The following ANKFN1 variants were observed in gnomAD, a reference collection of about 807,000 sequenced individuals.
ANKFN1 encodes the protein ankyrin repeat and fibronectin type-III domain-containing protein 1.
In ANKFN1, 74 loss-of-function variants were observed where a neutral mutation model predicts 108.7. That is an observed-to-expected ratio of 0.68 (90% CI 0.56 to 0.83). The LOEUF (loss-of-function observed/expected upper bound fraction) is 0.83, where lower values mean the gene tolerates loss of function less well. Among genes scored for constraint, ANKFN1 ranks in the 40% least tolerant of loss-of-function variants. The pLI, the probability that ANKFN1 is intolerant of heterozygous loss-of-function variation, is 0.00. For synonymous variants in ANKFN1, 547 were observed against 516.2 expected (o/e 1.06, Z -0.81); for missense variants, 1,505 against 1,382.3 (o/e 1.09, Z -1.41).
chr17:56,072,530 C>A (rs1050428239), intron 4 of ANKFN1, among the ~76,000 whole-genome samples: 1 of 152,190 alleles, frequency 6.6e-6, no homozygotes, highest in Non-Finnish European at 1.5e-5. Context: ...ATGCTACCTC[C>A]CAAAGGTAGC....
At chr17:56,396,570 A>G (rs2047594157) in intron 8 of ANKFN1, among the ~76,000 whole-genome samples, 1 of 152,106 alleles carries the variant, frequency 6.6e-6, no homozygotes, top group Non-Finnish European at 1.5e-5. Flanking sequence ...TAACAAAGTT[A>G]AGATTATACA....
intron 2 of ANKFN1, among the ~76,000 whole-genome samples, chr17:56,224,407 A>G (rs566858245): frequency 6.6e-5 from 10 of 152,368 alleles, no homozygotes; most frequent in Non-Finnish European, 8.8e-5. Flanking sequence ...TCATCTCAAC[A>G]TTCATAATCT....
intron 9 of ANKFN1, among the ~76,000 whole-genome samples, chr17:56,442,275 C>T (rs1030658169): frequency 6.6e-6 from 1 of 152,154 alleles, no homozygotes; most frequent in African/African-American, 2.4e-5. Flanking sequence ...AAATGTCCAC[C>T]AGTCAGGGAC....
intron 8 of ANKFN1, among the ~76,000 whole-genome samples, chr17:56,379,218 G>A (rs2047025105): frequency 6.6e-6 from 1 of 152,108 alleles, no homozygotes; most frequent in African/African-American, 2.4e-5. Flanking sequence ...CTAACACAGT[G>A]AAACCCCGTC....
At chr17:56,201,365 A>G (rs563734682) in intron 1 of ANKFN1, among the ~76,000 whole-genome samples, 1 of 152,284 alleles carries the variant, frequency 6.6e-6, no homozygotes, top group East Asian at 1.9e-4. Flanking sequence ...CTCCTTTCTC[A>G]GCTGTAAGTA....
intron 4 of ANKFN1, among the ~76,000 whole-genome samples, chr17:56,057,834 T>C (rs1338751511): frequency 6.6e-6 from 1 of 152,048 alleles, no homozygotes; most frequent in Non-Finnish European, 1.5e-5. Flanking sequence ...GGCTGCAGAA[T>C]GGGTGTTATG....
At chr17:56,466,244 G>T in intron 14 of ANKFN1, 112 bp from the exon 15 acceptor site, 1 of 951,222 alleles carries the variant, frequency 1.1e-6, no homozygotes, top group Non-Finnish European at 1.6e-6. Context: ...AAAAAAAAGA[G>T]AGCAAACAGC....
intron 4 of ANKFN1, among the ~76,000 whole-genome samples, chr17:56,345,654 C>CT (rs1404603688): frequency 6.6e-6 from 1 of 152,134 alleles, no homozygotes; most frequent in Admixed American, 6.6e-5. Context: ...TGATGATAAT[C>CT]TTTTTTTCAT....
intron 3 of ANKFN1, among the ~76,000 whole-genome samples, chr17:56,288,143 T>G (rs1466963341): frequency 1.3e-5 from 2 of 152,166 alleles, no homozygotes; most frequent in Non-Finnish European, 2.9e-5. Context: ...AAGGAATATA[T>G]TCATACAGCA....
At chr17:56,196,440 A>G (rs1346216543) in intron 1 of ANKFN1, among the ~76,000 whole-genome samples, 3 of 152,122 alleles carry the variant, frequency 2.0e-5, no homozygotes, top group Non-Finnish European at 4.4e-5. Flanking sequence ...GTGCCTTTCA[A>G]TCCTGAGAAA....
intron 4 of ANKFN1, among the ~76,000 whole-genome samples, chr17:56,348,442 A>G (rs2046161885): frequency 6.6e-6 from 1 of 152,162 alleles, no homozygotes; most frequent in South Asian, 2.1e-4. Context: ...GTGCCTCAGC[A>G]AAAGAAACTA....
chr17:56,150,662 T>C (rs1357709858), upstream of ANKFN1, among the ~76,000 whole-genome samples: 1 of 152,174 alleles, frequency 6.6e-6, no homozygotes, highest in Non-Finnish European at 1.5e-5. Context: ...CTTCCCAAAA[T>C]GCTCAGCACC....
intron 4 of ANKFN1, among the ~76,000 whole-genome samples, chr17:56,123,083 C>A (rs961610729): frequency 1.3e-5 from 2 of 152,200 alleles, no homozygotes; most frequent in Non-Finnish European, 2.9e-5. Context: ...GAATCCTCTA[C>A]CATTATTTCC....
At chr17:56,109,093 A>G (rs1905812058) in intron 4 of ANKFN1, among the ~76,000 whole-genome samples, 1 of 152,228 alleles carries the variant, frequency 6.6e-6, no homozygotes, top group Non-Finnish European at 1.5e-5. Flanking sequence ...CTTGCTTGAC[A>G]TCTCTGAGTC....
rs146130020 is a variant in ANKFN1, at chr17:56,270,406, G to C, written c.53+42449G>C. 1.7e-3 allele frequency among the ~76,000 whole-genome samples: 259 copies of C among 152,354 alleles called. 1 individual carries two copies. Among genetic ancestry groups the C allele is most frequent in the African/African-American group, 5.8e-3 (240 of 41,576 alleles). On this transcript the variant is annotated intron_variant, in intron 3 of 20. Transcript: ENST00000682825. ...CCCAGCCTCCAGGGCTACAGGAAGA[G>C]AGAAAAGCTACATAACTGCTGGCTC...
intron 1 of ANKFN1, among the ~76,000 whole-genome samples, chr17:56,202,594 C>G (rs543317458): frequency 1.2e-3 from 181 of 152,286 alleles, no homozygotes; most frequent in Non-Finnish European, 2.2e-3. Flanking sequence ...CCTCCACACC[C>G]TTTTCACCAT....
chr17:56,335,711 T>G (rs1373510645), intron 4 of ANKFN1, among the ~76,000 whole-genome samples: 1 of 152,212 alleles, frequency 6.6e-6, no homozygotes, highest in African/African-American at 2.4e-5. Context: ...CTTTATTTCT[T>G]TCTCTTGCCT....
chr17:56,373,803 A>G (rs1446473617), intron 7 of ANKFN1, among the ~76,000 whole-genome samples: 1 of 152,242 alleles, frequency 6.6e-6, no homozygotes, highest in African/African-American at 2.4e-5. Context: ...GCTTTAATAA[A>G]TGCATTTGCT....
chr17:56,449,434 C>G (rs954921796), intron 11 of ANKFN1, among the ~76,000 whole-genome samples: 1 of 152,072 alleles, frequency 6.6e-6, no homozygotes, highest in Non-Finnish European at 1.5e-5. Context: ...ACAAGAAAAA[C>G]AGCAGCTGCC....
Sources: gnomAD v4.1 joint callset for allele counts (sites outside exome capture counted in the v4.1 genomes callset) on GRCh38, gnomAD v4.1.1 for gene constraint, MANE v1.5 for transcripts, NCBI Gene and HGNC (gene_info 2026-07-23, HGNC 2026-07-21) for gene names.